Variants in UBN2 observed in about 807,000 individuals in gnomAD.
UBN2 encodes ubinuclein-2.
A neutral mutation model predicts 120.2 loss-of-function variants in UBN2; 35 were observed. The ratio of observed to expected loss-of-function variants is 0.29; its 90% CI spans 0.22 to 0.39. The LOEUF is 0.39. Among genes scored for constraint, UBN2 ranks in the 10% least tolerant of loss-of-function variants. The pLI is 1.00. For missense variants in UBN2, 1,693 were observed against 1,663.2 expected, an observed-to-expected ratio of 1.02 and a Z score of -0.31; for synonymous variants, 661 against 648.7, an observed-to-expected ratio of 1.02 and a Z score of -0.29.
At chr7:139,316,381 T>A in the UBN2 span, among the ~76,000 whole-genome samples, 1 of 152,220 alleles carries the variant, frequency 6.6e-6, no homozygotes, top group South Asian at 2.1e-4. Flanking sequence ...ACTTTGTATG[T>A]CTGAAAGTAT....
rs1335211514 is a variant in UBN2, at chr7:139,293,316, A to G, written c.3754A>G (p.Thr1252Ala). The change falls in exon 16 of 18, where the codon ACT becomes GCT. Residue 1252 changes from threonine to alanine, a missense_variant. Transcript: ENST00000473989. ...TTTGTCTGTAACAAATCAAAATGTG[A>G]CTCCTTTTGGGATGCTGGGTGGCCT... ...SPLSVTNQNV[T>A]PFGMLGGLVP... 1 of 1,613,760 alleles carries G rather than the reference A, an allele frequency of 6.2e-7. No individual in the cohort carries two copies. Among genetic ancestry groups the G allele is most frequent in the Non-Finnish European group, 8.5e-7 (1 of 1,179,968 alleles).
intron 2 of UBN2, among the ~76,000 whole-genome samples, chr7:139,245,390 G>A (rs1796443879): frequency 6.6e-6 from 1 of 152,016 alleles, no homozygotes; most frequent in African/African-American, 2.4e-5. Flanking sequence ...ATACTATTAT[G>A]ATCAAATAAA....
In UBN2 at chr7:139,275,904, G is replaced by T. The variant is rs192938788; in HGVS notation, c.1974-193G>T. Among the ~76,000 whole-genome samples, 22 of 152,288 alleles carry T rather than the reference G, an allele frequency of 1.4e-4. 1 individual carries two copies. The East Asian group carries it at 4.1e-3, about 28-fold the overall frequency. ...TTGGGAGGACCATTTGAGCCCAGGA[G>T]GCCTAGGTTATAGTGAGCTATGAAT... On this transcript the variant is annotated intron_variant, in intron 11 of 17. Transcript: ENST00000473989.
At chr7:139,310,791 A>C (rs530207619), downstream of UBN2, among the ~76,000 whole-genome samples, 1 of 152,256 alleles carries the variant, frequency 6.6e-6, no homozygotes, top group Non-Finnish European at 1.5e-5. Flanking sequence ...ATAAATAAAT[A>C]AACTTAGCAT....
At chr7:139,322,861 G>T in the UBN2 span, among the ~76,000 whole-genome samples, 1 of 152,000 alleles carries the variant, frequency 6.6e-6, no homozygotes, top group Non-Finnish European at 1.5e-5. Flanking sequence ...AAACCAAAGA[G>T]GAAAATTGTC....
chr7:139,297,932 C>A lies in UBN2; in HGVS notation c.*96C>A. The A allele has an allele frequency of 2.2e-6, 3 of 1,343,192 alleles. No homozygotes were observed. The highest frequency in any genetic ancestry group is 1.2e-5 in the South Asian group (1 of 83,344). The allele number at this position is 1,343,192 out of a possible 1,614,324, so 83.2% of individuals were successfully genotyped here. On this transcript the variant is annotated 3_prime_UTR_variant, in exon 18 of 18. Transcript: ENST00000473989. ...GTGGTCATAGGGCTGCTGTTTCTGT[C>A]GATGTTTACATTCTCTCGTCCCAAG...
intron 15 of UBN2, among the ~76,000 whole-genome samples, chr7:139,285,178 T>C (rs1797747341): frequency 6.6e-6 from 1 of 152,152 alleles, no homozygotes; most frequent in South Asian, 2.1e-4. Context: ...TAAACTTACC[T>C]CTCAATTAGC....
chr7:139,316,051 TG>T, the UBN2 span, among the ~76,000 whole-genome samples: 2 of 115,622 alleles, frequency 1.7e-5, no homozygotes, highest in African/African-American at 6.8e-5. Context: ...CACTCCAGCC[TG>T]GGCAACAAGA....
intron 14 of UBN2, among the ~76,000 whole-genome samples, chr7:139,282,482 T>C (rs113123631): frequency 1.3e-5 from 2 of 152,178 alleles, no homozygotes; most frequent in African/African-American, 4.8e-5. Flanking sequence ...TAGCATAATT[T>C]ATTTATGCTT....
chr7:139,322,130 C>T, the UBN2 span, among the ~76,000 whole-genome samples: 1 of 152,192 alleles, frequency 6.6e-6, no homozygotes, highest in South Asian at 2.1e-4. Context: ...CGTGCCACTA[C>T]ACCTGGCTAA....
chr7:139,259,187 A>G (rs1796854978), intron 4 of UBN2, 80 bp from the exon 5 acceptor site: 1 of 1,549,700 alleles, frequency 6.5e-7, no homozygotes, highest in Non-Finnish European at 8.7e-7. Flanking sequence ...GAGAAAAACC[A>G]CTGCTGATGC....
At chr7:139,240,617 C>T (rs1183998302) in intron 2 of UBN2, among the ~76,000 whole-genome samples, 3 of 151,824 alleles carry the variant, frequency 2.0e-5, no homozygotes, top group Non-Finnish European at 2.9e-5. Context: ...GTGTTTGGGG[C>T]AGGTGTTGCA....
chr7:139,242,004 C>A (rs116899080), intron 2 of UBN2, among the ~76,000 whole-genome samples: 6 of 151,886 alleles, frequency 4.0e-5, no homozygotes, highest in Non-Finnish European at 7.4e-5. Context: ...GCTCCCCCCC[C>A]CAAAAAAAGT....
intron 6 of UBN2, among the ~76,000 whole-genome samples, chr7:139,263,480 T>G (rs1796999755): frequency 6.6e-6 from 1 of 151,962 alleles, no homozygotes; most frequent in Non-Finnish European, 1.5e-5. Context: ...TTTTAAAAAA[T>G]GAAATAAAAA....
At chr7:139,246,647 A>G (rs1796477789) in intron 2 of UBN2, among the ~76,000 whole-genome samples, 1 of 152,196 alleles carries the variant, frequency 6.6e-6, no homozygotes, top group South Asian at 2.1e-4. Flanking sequence ...TGTAACCACT[A>G]CTACAATCAT....
At chr7:139,327,409 A>G in the UBN2 span, among the ~76,000 whole-genome samples, 1 of 152,222 alleles carries the variant, frequency 6.6e-6, no homozygotes, top group African/African-American at 2.4e-5. Flanking sequence ...CAGACTAGGT[A>G]ATTTATAAAG....
chr7:139,279,187 A>C, intron 12 of UBN2, 131 bp from the exon 13 acceptor site: 2 of 726,698 alleles, frequency 2.8e-6, no homozygotes, highest in Non-Finnish European at 4.6e-6. Context: ...TGAGCACTTA[A>C]ATACGGTTCC....
At chr7:139,256,679 T>C (rs558687380) in intron 3 of UBN2, among the ~76,000 whole-genome samples, 280 of 152,318 alleles carry the variant, frequency 1.8e-3, no homozygotes, top group African/African-American at 6.5e-3. Context: ...TATTACTGTC[T>C]TTTCACATTT....
At chr7:139,241,758 A>G (rs1323414978) in intron 2 of UBN2, among the ~76,000 whole-genome samples, 2 of 152,192 alleles carry the variant, frequency 1.3e-5, no homozygotes, top group Admixed American at 6.5e-5. Context: ...GCACTTTGGG[A>G]GGCTGAGGTG....
Sources: gnomAD v4.1 joint callset for allele counts (sites outside exome capture counted in the v4.1 genomes callset) on GRCh38, gnomAD v4.1.1 for gene constraint, MANE v1.5 for transcripts, NCBI Gene and HGNC (gene_info 2026-07-23, HGNC 2026-07-21) for gene names.